The following SLC2A1 variants were observed in gnomAD, a reference collection of about 807,000 sequenced individuals.
SLC2A1 encodes solute carrier family 2, facilitated glucose transporter member 1.
SLC2A1 carries 4 observed loss-of-function variants against 46.6 expected under a neutral mutation model. That is an observed-to-expected ratio of 0.09 (90% confidence interval 0.04 to 0.20). The LOEUF is 0.20. Among genes scored for constraint, SLC2A1 ranks in the 10% least tolerant of loss-of-function variants. The pLI, the probability that SLC2A1 is intolerant of heterozygous loss-of-function variation, is 1.00. For missense variants in SLC2A1, 352 were observed against 667.0 expected (o/e 0.53, Z 5.20); for synonymous variants, 253 against 270.0 (o/e 0.94, Z 0.62).
In SLC2A1 at chr1:42,943,749, C is replaced by T. The variant is rs35022307; in HGVS notation, c.19-428G>A. Among the ~76,000 whole-genome samples the T allele has an allele frequency of 0.16, 23,942 of 152,090 alleles. 1,996 individuals carry two copies. The highest frequency in any genetic ancestry group is 0.19 in the South Asian group (895 of 4,822). ...AGCACAGATATAGATAGGAGAAGCA[C>T]CCTGGATTTGGAGCTGAAGCCGCTG... On this transcript the variant is annotated intron_variant, in intron 1 of 9. Coordinates refer to ENST00000426263, the MANE Select transcript of SLC2A1 (RefSeq NM_006516.4).
At chr1:42,950,640 C>T (rs1158423959) in intron 1 of SLC2A1, among the ~76,000 whole-genome samples, 2 of 152,186 alleles carry the variant, frequency 1.3e-5, no homozygotes, top group Admixed American at 1.3e-4. Flanking sequence ...TCAGCAGACA[C>T]ATTTAAGTCC....
At position 42,929,225 on chromosome 1, in the gene SLC2A1, G is replaced by A. The variant is rs1643460439; in HGVS notation, c.957C>T (p.Ala319=). 5 of 1,613,776 alleles carry A rather than the reference G, an allele frequency of 3.1e-6. No individual in the cohort carries two copies. The highest frequency in any genetic ancestry group is 4.2e-6 in the Non-Finnish European group (5 of 1,179,624). Residue 319 remains alanine, a synonymous_variant, in exon 7 of 10, where the codon GCC becomes GCT. Transcript: ENST00000426263. The surrounding 1 kb of genome is among the most constrained non-coding windows in gnomAD (Gnocchi z 6.0). The part of the protein sequence containing the change: ...ATIGSGIVNT[A]FTVVSLFVVE... ...AAAGACTCACCGACACGACAGTGAA[G>A]GCCGTGTTGACGATACCGGAGCCAA...
In SLC2A1 at chr1:42,954,933, C is replaced by A. The variant is rs1454479060; in HGVS notation, c.18+3701G>T. Among the ~76,000 whole-genome samples the A allele has an allele frequency of 6.6e-6, 1 of 152,198 alleles. No individual in the cohort carries two copies. The highest frequency in any genetic ancestry group is 2.4e-5 in the African/African-American group (1 of 41,446). ...AGCAAAGCAAAGAAGCCCAAAGCAGCGCAGGGCACTCACATGAGCTGACCC... is the reference window on the plus strand; with the variant it reads ...AGCAAAGCAAAGAAGCCCAAAGCAGAGCAGGGCACTCACATGAGCTGACCC... On this transcript the variant is annotated intron_variant, in intron 1 of 9. Coordinates refer to ENST00000426263, the MANE Select transcript of SLC2A1 (RefSeq NM_006516.4). This position sits in a 1 kb window ranked among gnomAD's most constrained non-coding sequence, Gnocchi z 4.2.
In SLC2A1 at chr1:42,953,837, G is replaced by A. The variant is rs116100349; in HGVS notation, c.18+4797C>T. ...ATAGGGTCGAATCCCTGGATGGCTCGGTACTAGACAAGGATCATCTTGGGG... is the reference window on the plus strand; with the variant it reads ...ATAGGGTCGAATCCCTGGATGGCTCAGTACTAGACAAGGATCATCTTGGGG... On this transcript the variant is annotated intron_variant, in intron 1 of 9. Transcript: ENST00000426263. 2.4e-3 allele frequency among the ~76,000 whole-genome samples: 369 copies of A among 152,262 alleles called. 2 individuals are homozygous for A. Among genetic ancestry groups the A allele is most frequent in the African/African-American group, 8.6e-3 (357 of 41,532 alleles).
At chr1:42,937,034 G>A (rs1643548546) in intron 2 of SLC2A1, among the ~76,000 whole-genome samples, 1 of 152,260 alleles carries the variant, frequency 6.6e-6, no homozygotes, top group South Asian at 2.1e-4. Flanking sequence ...ATCCTCCAAT[G>A]CATGGGACAG....
rs1456502163 is a variant in SLC2A1 at position 42,929,129 on chromosome 1, G to A, written c.972+81C>T. On this transcript the variant is annotated intron_variant, in intron 7 of 9. Transcript: ENST00000426263. This position sits in a 1 kb window ranked among gnomAD's most constrained non-coding sequence, Gnocchi z 6.0. ...GCCTCAAGAGCTGAGAAAGTCACAGGGCACTGCAAAGACCAGTGGGGAAGA... is the reference window on the plus strand; with the variant it reads ...GCCTCAAGAGCTGAGAAAGTCACAGAGCACTGCAAAGACCAGTGGGGAAGA... 2 of 1,556,930 alleles carry A rather than the reference G, an allele frequency of 1.3e-6. No homozygotes were observed. Among genetic ancestry groups the A allele is most frequent in the African/African-American group, 2.7e-5 (2 of 73,490 alleles).
At chr1:42,953,733 GAGGCAC>G (rs1643746321) in intron 1 of SLC2A1, among the ~76,000 whole-genome samples, 8 of 152,204 alleles carry the variant, frequency 5.3e-5, no homozygotes, top group Non-Finnish European at 7.3e-5. Flanking sequence ...CCGTGACCAG[GAGGCAC>G]TGGGCAAAGC....
At chr1:42,958,606 C>T in intron 1 of SLC2A1, 28 bp downstream of exon 1, 1 of 1,518,838 alleles carries the variant, frequency 6.6e-7, no homozygotes, top group Non-Finnish European at 8.8e-7. Flanking sequence ...TTGTTCCTGG[C>T]GGGAGGGCCC....
intron 1 of SLC2A1, among the ~76,000 whole-genome samples, chr1:42,957,943 T>C (rs557115588): frequency 2.5e-4 from 38 of 152,130 alleles, no homozygotes; most frequent in African/African-American, 7.9e-4. Flanking sequence ...GGCCAAAGCT[T>C]TGGGGCCTGC....
chr1:42,957,078 T>C (rs140483203), intron 1 of SLC2A1, among the ~76,000 whole-genome samples: 49 of 152,350 alleles, frequency 3.2e-4, no homozygotes, highest in African/African-American at 1.1e-3. Flanking sequence ...CATAGTATGC[T>C]GAATAGATAG....
rs1235088842 is a variant in SLC2A1 at position 42,954,791 on chromosome 1, C to T, written c.18+3843G>A. On this transcript the variant is annotated intron_variant, in intron 1 of 9. Coordinates refer to ENST00000426263, the MANE Select transcript of SLC2A1 (RefSeq NM_006516.4). The surrounding 1 kb of genome is among the most constrained non-coding windows in gnomAD (Gnocchi z 4.2). ...TTATTGGACCATGAGGTCACTGTAA[C>T]TTGTATCACAGGGCAGTTGTGAGGA... Among the ~76,000 whole-genome samples the T allele has an allele frequency of 2.0e-5, 3 of 152,202 alleles. No individual in the cohort carries two copies. The highest frequency in any genetic ancestry group is 1.3e-4 in the Admixed American group (2 of 15,278).
intron 1 of SLC2A1, among the ~76,000 whole-genome samples, 194 bp downstream of exon 1, chr1:42,958,440 C>G (rs1643804442): frequency 6.6e-6 from 1 of 150,598 alleles, no homozygotes; most frequent in Non-Finnish European, 1.5e-5. Flanking sequence ...AGATCCGAAG[C>G]CCATCCCCAC....
chr1:42,943,160 G>A, intron 2 of SLC2A1, 66 bp downstream of exon 2: 1 of 1,032,450 alleles, frequency 9.7e-7, no homozygotes, highest in South Asian at 1.3e-5. Flanking sequence ...GCGTGAGACT[G>A]TGGGCATGTG....
chr1:42,943,134 T>A (rs1018222269), intron 2 of SLC2A1, 92 bp downstream of exon 2: 1 of 853,222 alleles, frequency 1.2e-6, no homozygotes, highest in African/African-American at 1.7e-5. Context: ...TATAAATGAC[T>A]CTAATTCAGG....
chr1:42,948,907 A>G (rs1328837442), intron 1 of SLC2A1, among the ~76,000 whole-genome samples: 1 of 152,078 alleles, frequency 6.6e-6, no homozygotes, highest in Non-Finnish European at 1.5e-5. Flanking sequence ...TACTAAAAAT[A>G]CAAAAAAAAA....
intron 1 of SLC2A1, among the ~76,000 whole-genome samples, chr1:42,945,738 C>CAAA (rs1166067644): frequency 1.7e-5 from 2 of 115,444 alleles, no homozygotes; most frequent in Admixed American, 8.2e-5. Context: ...GACTCTGTCT[C>CAAA]AAAAAAAAAA....
At position 42,931,219 on chromosome 1, in the gene SLC2A1, A is replaced by G. The variant is rs1297694503; in HGVS notation, c.115-13T>C. On this transcript the variant is annotated splice_polypyrimidine_tract_variant and intron_variant, in intron 2 of 9. Transcript: ENST00000426263. ...ACTCCTCGATCACCTGCAGGGGGAG[A>G]TGCAGCCTGGGTGAGCAAGCCAGGG... The G allele has an allele frequency of 1.9e-6, 3 of 1,612,614 alleles. No homozygotes were observed. In the South Asian group the frequency reaches 3.3e-5, roughly 18 times the overall value.
At position 42,926,939 on chromosome 1, in the gene SLC2A1, C is replaced by T. The variant is rs1041683808; in HGVS notation, c.*102G>A. ...GGAGAAAGGAGCCCCAGGCCCGGCTCGGCTGACATCTGTCAGGTTTGGAAG... is the reference window on the plus strand; with the variant it reads ...GGAGAAAGGAGCCCCAGGCCCGGCTTGGCTGACATCTGTCAGGTTTGGAAG... On this transcript the variant is annotated 3_prime_UTR_variant, in exon 10 of 10. Transcript: ENST00000426263. 4.3e-5 allele frequency: 66 copies of T among 1,547,234 alleles called. No individual in the cohort carries two copies. The African/African-American group carries it at 6.6e-4, about 15-fold the overall frequency.
Position 42,926,615 on chromosome 1 carries a change from G to T in SLC2A1, c.*426C>A. 9.8e-7 allele frequency: 1 copy of T among 1,021,010 alleles called. No homozygotes were observed. The highest frequency in any genetic ancestry group is 1.3e-6 in the Non-Finnish European group (1 of 758,362). 63.2% of individuals were successfully genotyped at this position (1,021,010 alleles called of 1,614,324 possible). ...AGCCACCTCCTGGGATAGAAGCTTT[G>T]TAGTTCATAGTTCGATTAGTGTGTC... On this transcript the variant is annotated 3_prime_UTR_variant, in exon 10 of 10. Transcript: ENST00000426263.
Sources: allele counts gnomAD v4.1 joint callset (sites outside exome capture counted in the v4.1 genomes callset), GRCh38; gene constraint gnomAD v4.1.1; non-coding constraint Gnocchi (gnomAD v3.1); transcripts MANE v1.5; gene names NCBI Gene and HGNC (gene_info 2026-07-23, HGNC 2026-07-21).